The following COPB1 variants were observed in gnomAD, a reference collection of about 807,000 sequenced individuals.
COPB1 encodes the protein coatomer subunit beta.
COPB1 carries 21 observed loss-of-function variants against 108.7 expected under a neutral mutation model. The ratio of observed to expected loss-of-function variants is 0.19; its 90% CI spans 0.14 to 0.28. The LOEUF is 0.28. Among genes scored for constraint, COPB1 ranks in the 10% least tolerant of loss-of-function variants. The probability of loss-of-function intolerance (pLI) is 1.00; values close to 1 mark genes in which losing one functional copy is unlikely to be tolerated. For synonymous variants in COPB1, 378 were observed against 386.8 expected, an observed-to-expected ratio of 0.98 and a Z score of 0.27; for missense variants, 919 against 1,141.3, an observed-to-expected ratio of 0.81 and a Z score of 2.81.
rs748131633 is a variant in COPB1, at chr11:14,469,537, G to A, written c.1764C>T (p.Leu588=). ...QNSFVAEAML[L]MATILHLGKS... ...TTCCCAAATGCAGGATAGTAGCCAT[G>A]AGCAACATAGCCTCAGCAACAAAAG... The change falls in exon 15 of 22, where the codon CTC becomes CTT. Residue 588 remains leucine, a synonymous_variant. Coordinates refer to ENST00000439561, the MANE Select transcript of COPB1 (RefSeq NM_001144061.2). The A allele has an allele frequency of 1.2e-6, 2 of 1,614,120 alleles. No homozygotes were observed. Among genetic ancestry groups the A allele is most frequent in the Non-Finnish European group, 1.7e-6 (2 of 1,180,018 alleles).
At position 14,493,822 on chromosome 11, in the gene COPB1, A is replaced by C; in HGVS notation, c.322-11T>G. On this transcript the variant is annotated splice_polypyrimidine_tract_variant and intron_variant, in intron 3 of 21. Transcript: ENST00000439561. ...AGGATGTTGAAGATCCTGATATAAAAATTAAAATATGAAATGCTGAGTTTC... is the reference window on the plus strand; with the variant it reads ...AGGATGTTGAAGATCCTGATATAAACATTAAAATATGAAATGCTGAGTTTC... The C allele has an allele frequency of 6.5e-7, 1 of 1,541,184 alleles. No individual in the cohort carries two copies. The highest frequency in any genetic ancestry group is 8.7e-7 in the Non-Finnish European group (1 of 1,144,078).
At chr11:14,470,362 G>A (rs1850373234) in intron 14 of COPB1, among the ~76,000 whole-genome samples, 3 of 152,076 alleles carry the variant, frequency 2.0e-5, no homozygotes, top group Admixed American at 2.0e-4. Flanking sequence ...TCCAATTATT[G>A]TGCTGCTAAG....
chr11:14,473,160 A>T (rs1167997863), intron 14 of COPB1, among the ~76,000 whole-genome samples: 1 of 151,952 alleles, frequency 6.6e-6, no homozygotes, highest in Non-Finnish European at 1.5e-5. Context: ...TTTTTAGTAG[A>T]GACAGGGTTT....
At chr11:14,462,809 C>A (rs923058306) in intron 18 of COPB1, among the ~76,000 whole-genome samples, 2 of 152,212 alleles carry the variant, frequency 1.3e-5, no homozygotes, top group Admixed American at 1.3e-4. Flanking sequence ...CCATTCTCTA[C>A]CAACTTTCTT....
At position 14,488,065 on chromosome 11, in the gene COPB1, A is replaced by G. The variant is rs563483438; in HGVS notation, c.699+427T>C. ...TTTCCTGTCAATGGCCTACAATGTC[A>G]TATTAATGCATTTAAAGTTTTTCTA... On this transcript the variant is annotated intron_variant, in intron 6 of 21. Coordinates refer to ENST00000439561, the MANE Select transcript of COPB1 (RefSeq NM_001144061.2). 7.9e-5 allele frequency among the ~76,000 whole-genome samples: 12 copies of G among 152,386 alleles called. No individual in the cohort carries two copies. The South Asian group carries it at 1.4e-3, about 18-fold the overall frequency.
chr11:14,479,239 C>G (rs1038106707), intron 11 of COPB1, among the ~76,000 whole-genome samples: 1 of 152,120 alleles, frequency 6.6e-6, no homozygotes, highest in African/African-American at 2.4e-5. Context: ...CAATCTTTCT[C>G]TTCATTAAAT....
chr11:14,462,093 T>C (rs953486804), intron 18 of COPB1, among the ~76,000 whole-genome samples: 4 of 152,108 alleles, frequency 2.6e-5, no homozygotes, highest in Non-Finnish European at 5.9e-5. Context: ...TATTTTCAGT[T>C]TGTGGCTGGT....
chr11:14,459,571 C>T (rs111369289), intron 20 of COPB1, among the ~76,000 whole-genome samples: 153 of 152,176 alleles, frequency 1.0e-3, no homozygotes, highest in Non-Finnish European at 1.6e-3. Context: ...TCAGAGCCCA[C>T]GGAAGAGCTC....
chr11:14,461,146 G>A, intron 19 of COPB1, 40 bp downstream of exon 19: 1 of 1,612,792 alleles, frequency 6.2e-7, no homozygotes, highest in Non-Finnish European at 8.5e-7. Flanking sequence ...GCAAAAGGAA[G>A]AAAGATAAAG....
intron 13 of COPB1, 91 bp from the exon 14 acceptor site, chr11:14,474,706 T>A: frequency 6.6e-7 from 1 of 1,512,722 alleles, no homozygotes; most frequent in Non-Finnish European, 8.9e-7. Context: ...TATTAAACAC[T>A]CTTATTACCA....
At chr11:14,490,052 A>AT (rs1185298663) in intron 5 of COPB1, among the ~76,000 whole-genome samples, 3 of 152,324 alleles carry the variant, frequency 2.0e-5, no homozygotes, top group African/African-American at 7.2e-5. Context: ...AAATTTCAAG[A>AT]TTAGATGGCA....
Position 14,498,938 on chromosome 11 carries a change from TTA to T in COPB1, c.-12_-11del, listed in dbSNP as rs1164416857. 5 of 1,602,112 alleles carry T rather than the reference TTA, an allele frequency of 3.1e-6. No individual in the cohort carries two copies. Among genetic ancestry groups the T allele is most frequent in the Non-Finnish European group, 4.3e-6 (5 of 1,176,124 alleles). On this transcript the variant is annotated 5_prime_UTR_variant, in exon 2 of 22. Transcript: ENST00000439561. ...TCTCAGCCGCCGTCATGGTTTCTGG[TTA>T]TATTATAACCAATCCTTGACACAAG...
chr11:14,497,227 G>T (rs367719837), intron 2 of COPB1, among the ~76,000 whole-genome samples: 1 of 151,620 alleles, frequency 6.6e-6, no homozygotes, highest in Non-Finnish European at 1.5e-5. Context: ...CACAGCAAAG[G>T]AAACAATCGA....
chr11:14,498,100 A>G (rs1162064723), intron 2 of COPB1, among the ~76,000 whole-genome samples: 1 of 152,196 alleles, frequency 6.6e-6, no homozygotes, highest in African/African-American at 2.4e-5. Context: ...GTTAGACCCG[A>G]TATTTGATAG....
At chr11:14,462,467 C>T (rs977544355) in intron 18 of COPB1, among the ~76,000 whole-genome samples, 1 of 152,124 alleles carries the variant, frequency 6.6e-6, no homozygotes, top group Non-Finnish European at 1.5e-5. Flanking sequence ...CTCCTGACCT[C>T]ATGATCCACC....
chr11:14,494,260 C>A lies in COPB1; in HGVS notation c.271G>T (p.Asp91Tyr), dbSNP rs1450554199. Residue 91 changes from aspartate (D) to tyrosine (Y), a missense_variant, in exon 3 of 22, where the codon GAT (aspartate) becomes TAT (tyrosine). Asp to Tyr is a radical substitution (Grantham distance 160). Around this residue, in one of 5 missense-constraint regions of COPB1, gnomAD observed 92 missense variants for 108.4 expected, o/e 0.85. Transcript: ENST00000439561. ...FWEIVPKTTP[D>Y]GRLLHEMILV... ...ATCATCTCATGTAAAAGTCTCCCAT[C>A]TGGAGTTGTTTTAGGAACAATTTCC... 6.2e-7 allele frequency: 1 copy of A among 1,613,770 alleles called. No homozygotes were observed. Among genetic ancestry groups the A allele is most frequent in the Admixed American group, 1.7e-5 (1 of 60,012 alleles).
intron 14 of COPB1, among the ~76,000 whole-genome samples, chr11:14,472,570 G>A (rs1026654439): frequency 1.8e-4 from 27 of 152,286 alleles, no homozygotes; most frequent in African/African-American, 5.8e-4. Flanking sequence ...GCCAGGCACC[G>A]ACTTCTCTCT....
chr11:14,472,992 C>T (rs1431292932), intron 14 of COPB1, among the ~76,000 whole-genome samples: 1 of 151,828 alleles, frequency 6.6e-6, no homozygotes, highest in Non-Finnish European at 1.5e-5. Flanking sequence ...TTTTTTTCCT[C>T]GAGACGGAGT....
Position 14,479,710 on chromosome 11 carries a change from A to G in COPB1, c.1217T>C (p.Met406Thr), listed in dbSNP as rs1212815454. 1.3e-6 allele frequency: 2 copies of G among 1,566,244 alleles called. No homozygotes were observed. Among genetic ancestry groups the G allele is most frequent in the South Asian group, 1.2e-5 (1 of 82,244 alleles). Residue 406 changes from methionine to threonine, a missense_variant, in exon 11 of 22, where the codon ATG (methionine) becomes ACG (threonine). Around this residue, in one of 5 missense-constraint regions of COPB1, gnomAD observed 705 missense variants for 817.8 expected, o/e 0.86. Coordinates refer to ENST00000439561, the MANE Select transcript of COPB1 (RefSeq NM_001144061.2). ...TTCGTTGTTGTCACTGAGAAATTCC[A>G]TTAACTAAAAGAAAAAAAAAAAAAA... is the stretch of plus-strand genomic sequence containing the variant. ...DMAANVIPVL[M>T]EFLSDNNEAA...
Sources: gnomAD v4.1 joint callset for allele counts (sites outside exome capture counted in the v4.1 genomes callset) on GRCh38, gnomAD v4.1.1 for gene constraint, gnomAD v4.1.1 regional missense constraint, MANE v1.5 for transcripts, NCBI Gene and HGNC (gene_info 2026-07-23, HGNC 2026-07-21) for gene names.